The following LGI2 variants were observed in gnomAD, a reference collection of about 807,000 sequenced individuals.
LGI2 encodes leucine rich repeat LGI family member 2, also known as leucine-rich repeat LGI family member 2.
Under a neutral mutation model 52.0 loss-of-function variants are expected in LGI2, and 30 were observed. The observed-to-expected ratio is 0.58, with a 90% CI of 0.43 to 0.78. The LOEUF is 0.78. LGI2 is among the 30% of genes least tolerant of loss of function. The probability of loss-of-function intolerance (pLI) is 0.00; values close to 1 mark genes in which losing one functional copy is unlikely to be tolerated. For missense variants in LGI2, 573 were observed against 692.5 expected (o/e 0.83, Z 1.94); for synonymous variants, 270 against 271.8 (o/e 0.99, Z 0.06).
At chr4:25,029,093 C>T (rs1726246515) in intron 1 of LGI2, among the ~76,000 whole-genome samples, 1 of 152,222 alleles carries the variant, frequency 6.6e-6, no homozygotes, top group South Asian at 2.1e-4. Flanking sequence ...TGGGGAGAGG[C>T]AGTACCATCT....
At chr4:24,995,756 T>C (rs1725056899), downstream of LGI2, among the ~76,000 whole-genome samples, 2 of 152,172 alleles carry the variant, frequency 1.3e-5, no homozygotes, top group Non-Finnish European at 2.9e-5. Context: ...CCAAATAATT[T>C]GCAAGTATAT....
chr4:25,027,143 T>A (rs552919250), intron 2 of LGI2, among the ~76,000 whole-genome samples: 1 of 152,056 alleles, frequency 6.6e-6, no homozygotes, highest in African/African-American at 2.4e-5. Context: ...TTGACCAGAT[T>A]TTCTTGTCCT....
Position 24,999,432 on chromosome 4 carries a change from T to A in LGI2, c.*4019A>T, listed in dbSNP as rs1365737096. The A allele has an allele frequency of 6.5e-6, 1 of 153,076 alleles. No homozygotes were observed. Among genetic ancestry groups the A allele is most frequent in the Non-Finnish European group, 1.5e-5 (1 of 68,692 alleles). 9.5% of individuals were successfully genotyped at this position (153,076 alleles called of 1,614,324 possible). On this transcript the variant is annotated 3_prime_UTR_variant, in exon 8 of 8. Coordinates refer to ENST00000382114, the MANE Select transcript of LGI2 (RefSeq NM_018176.4). The stretch of plus-strand genomic sequence containing the variant: ...GCCCCACTTTGCCATTCCCCTTCCA[T>A]TGCCACCCAAATCCGGACCACTTTC...
intron 4 of LGI2, among the ~76,000 whole-genome samples, chr4:25,024,075 A>G (rs1407480416): frequency 6.6e-6 from 1 of 152,146 alleles, no homozygotes; most frequent in Non-Finnish European, 1.5e-5. Flanking sequence ...CCTAATTCTG[A>G]TCCAACATTC....
intron 6 of LGI2, among the ~76,000 whole-genome samples, chr4:25,013,462 C>A (rs563435717): frequency 6.6e-6 from 1 of 152,256 alleles, no homozygotes; most frequent in Admixed American, 6.5e-5. Flanking sequence ...ATCCCCAAGT[C>A]CAGAGCAGAA....
intron 4 of LGI2, among the ~76,000 whole-genome samples, chr4:25,021,477 A>C (rs16876634): frequency 0.011 from 1,649 of 152,350 alleles, 34 homozygotes; most frequent in African/African-American, 0.037. Context: ...CAAATTCCAA[A>C]TAGGAACTTC....
At position 25,030,368 on chromosome 4, in the gene LGI2, C is replaced by G. The variant is rs1034777292; in HGVS notation, c.197+129G>C. ...GCCAACACTCCACCCACGTCCCCCACACAAAGGCAAAGAAGGGGCCTGGGG... is the reference window on the plus strand; with the variant it reads ...GCCAACACTCCACCCACGTCCCCCAGACAAAGGCAAAGAAGGGGCCTGGGG... On this transcript the variant is annotated intron_variant, in intron 1 of 7. Coordinates refer to ENST00000382114, the MANE Select transcript of LGI2 (RefSeq NM_018176.4). 6 of 1,013,988 alleles carry G rather than the reference C, an allele frequency of 5.9e-6. No individual in the cohort carries two copies. The South Asian group carries it at 6.3e-5, about 11-fold the overall frequency. The allele number at this position is 1,013,988 out of a possible 1,614,324, so 62.8% of individuals were successfully genotyped here. A position where few individuals can be genotyped will look rare whatever the true frequency, so the allele number is the denominator to read the frequency against.
At position 25,018,509 on chromosome 4, in the gene LGI2, G is replaced by A. The variant is rs186388756; in HGVS notation, c.486-351C>T. On this transcript the variant is annotated intron_variant, in intron 5 of 7. Transcript: ENST00000382114. ...CAACAGAGGTTCTCATAAACAAAGA[G>A]GATATTGTAGGAAGACAGTTTTCAC... 7.2e-5 allele frequency among the ~76,000 whole-genome samples: 11 copies of A among 152,254 alleles called. No homozygotes were observed. The East Asian group carries it at 1.5e-3, about 21-fold the overall frequency.
rs571600753 is a variant in LGI2, at chr4:24,999,950, C to A, written c.*3501G>T. ...AGAACCAGATGTGTCTCAACCTCAA[C>A]ATCCTCCCCATAGCTATGCAGGGGG... is the stretch of plus-strand genomic sequence containing the variant. On this transcript the variant is annotated 3_prime_UTR_variant, in exon 8 of 8. Coordinates refer to ENST00000382114, the MANE Select transcript of LGI2 (RefSeq NM_018176.4). The A allele has an allele frequency of 6.8e-5, 30 of 443,364 alleles. No individual in the cohort carries two copies. Among genetic ancestry groups the A allele is most frequent in the Non-Finnish European group, 1.1e-4 (23 of 218,890 alleles). The allele number at this position is 443,364 out of a possible 1,614,324, so 27.5% of individuals were successfully genotyped here. A position where few individuals can be genotyped will look rare whatever the true frequency, so the allele number is the denominator to read the frequency against.
chr4:25,008,986 C>T (rs574977037), intron 7 of LGI2, among the ~76,000 whole-genome samples: 4 of 152,302 alleles, frequency 2.6e-5, no homozygotes, highest in East Asian at 1.9e-4. Flanking sequence ...GCCTGGGTTC[C>T]GGATTCTTGC....
At chr4:25,006,152 A>T (rs193083875) in intron 7 of LGI2, among the ~76,000 whole-genome samples, 40 of 152,320 alleles carry the variant, frequency 2.6e-4, no homozygotes, top group African/African-American at 9.6e-4. Context: ...AGTCTGAATG[A>T]TCTAGCTCAG....
intron 2 of LGI2, 118 bp from the exon 3 acceptor site, chr4:25,027,057 T>A: frequency 1.4e-6 from 1 of 740,440 alleles, no homozygotes; most frequent in Non-Finnish European, 2.3e-6. Context: ...CTTCTTAGCC[T>A]AAGGAGACCA....
chr4:25,017,006 T>A (rs531974170), intron 6 of LGI2, among the ~76,000 whole-genome samples: 2 of 152,320 alleles, frequency 1.3e-5, no homozygotes, highest in East Asian at 3.9e-4. Flanking sequence ...TTTGGCCCCA[T>A]GTTGTGACAG....
At chr4:25,011,361 C>T (rs1048229105) in intron 7 of LGI2, among the ~76,000 whole-genome samples, 78 of 152,280 alleles carry the variant, frequency 5.1e-4, no homozygotes, top group African/African-American at 1.7e-3. Context: ...GAGCTCAGCA[C>T]GGGGAGGCCA....
rs966149565 is a variant in LGI2, at chr4:25,000,056, G to A, written c.*3395C>T. On this transcript the variant is annotated 3_prime_UTR_variant, in exon 8 of 8. Transcript: ENST00000382114. ...ATTTCTGGACCACTTTCAAGAGTGGGGCCTTGAATGTAAAAAGAGTGGGGC... is the reference window on the plus strand; with the variant it reads ...ATTTCTGGACCACTTTCAAGAGTGGAGCCTTGAATGTAAAAAGAGTGGGGC... 10 of 293,104 alleles carry A rather than the reference G, an allele frequency of 3.4e-5. No homozygotes were observed. Among genetic ancestry groups the A allele is most frequent in the Middle Eastern group, 8.5e-4 (2 of 2,354 alleles). 18.2% of individuals were successfully genotyped at this position (293,104 alleles called of 1,614,324 possible).
intron 2 of LGI2, 61 bp from the exon 3 acceptor site, chr4:25,027,000 A>T: frequency 1.6e-6 from 2 of 1,270,484 alleles, no homozygotes; most frequent in Non-Finnish European, 2.3e-6. Flanking sequence ...TGGTAAAGCC[A>T]TTTCTCTTTC....
At chr4:25,027,891 G>T (rs139548020) in intron 2 of LGI2, among the ~76,000 whole-genome samples, 1 of 152,222 alleles carries the variant, frequency 6.6e-6, no homozygotes, top group Non-Finnish European at 1.5e-5. Flanking sequence ...CTTGAGCATT[G>T]CTCACAGAGA....
At chr4:25,019,300 C>A (rs1229349090) in intron 4 of LGI2, 62 bp from the exon 5 acceptor site, 7 of 1,086,354 alleles carry the variant, frequency 6.4e-6, no homozygotes, top group Non-Finnish European at 8.4e-6. Context: ...CTCTCAACTC[C>A]CTTCAGATAA....
At chr4:25,007,887 G>A (rs1440314419) in intron 7 of LGI2, among the ~76,000 whole-genome samples, 1 of 152,166 alleles carries the variant, frequency 6.6e-6, no homozygotes, top group Non-Finnish European at 1.5e-5. Context: ...TTGTCAACTT[G>A]GGGACCACCC....
Sources: gnomAD v4.1 joint callset for allele counts (sites outside exome capture counted in the v4.1 genomes callset) on GRCh38, gnomAD v4.1.1 for gene constraint, MANE v1.5 for transcripts, NCBI Gene and HGNC (gene_info 2026-07-23, HGNC 2026-07-21) for gene names.